The following HBS1L variants were observed in gnomAD, a reference collection of about 807,000 sequenced individuals.
HBS1L encodes HBS1 like translational GTPase, also known as HBS1-like protein.
Under a neutral mutation model 88.9 loss-of-function variants are expected in HBS1L, and 55 were observed. The ratio of observed to expected loss-of-function variants is 0.62; its 90% CI spans 0.50 to 0.77. The LOEUF is 0.77. HBS1L is among the 30% of genes least tolerant of loss of function. The pLI is 0.00. For missense variants in HBS1L, 741 were observed against 829.3 expected (o/e 0.89, Z 1.31); for synonymous variants, 267 against 288.5 (o/e 0.93, Z 0.76).
chr6:135,052,452 G>GA (rs1777115867), intron 1 of HBS1L, among the ~76,000 whole-genome samples: 1 of 151,900 alleles, frequency 6.6e-6, no homozygotes, highest in East Asian at 1.9e-4. Context: ...CATGCCTGTA[G>GA]ACCTAGCTAC....
intron 15 of HBS1L, among the ~76,000 whole-genome samples, chr6:134,976,697 G>A (rs1041514337): frequency 6.6e-6 from 1 of 152,054 alleles, no homozygotes; most frequent in Non-Finnish European, 1.5e-5. Flanking sequence ...TGGGAGCTAA[G>A]CTATGGGTAC....
chr6:134,997,066 ATG>A, intron 6 of HBS1L, 124 bp from the exon 7 acceptor site: 1 of 748,992 alleles, frequency 1.3e-6, no homozygotes, highest in South Asian at 2.1e-5. Flanking sequence ...TATTTATCAA[ATG>A]ACAGTTAAAA....
chr6:134,998,212 A>G (rs1377696134), intron 5 of HBS1L, among the ~76,000 whole-genome samples: 5 of 152,236 alleles, frequency 3.3e-5, no homozygotes, highest in African/African-American at 9.6e-5. Flanking sequence ...TACAACATAT[A>G]CTAGGGACTG....
chr6:134,999,543 G>C (rs1292393095), intron 5 of HBS1L, among the ~76,000 whole-genome samples: 5 of 147,234 alleles, frequency 3.4e-5, no homozygotes, highest in Non-Finnish European at 7.4e-5. Flanking sequence ...CGCCTCCCAG[G>C]TTCCAGCAAT....
At chr6:135,003,726 A>G (rs2114818670) in intron 4 of HBS1L, among the ~76,000 whole-genome samples, 1 of 152,192 alleles carries the variant, frequency 6.6e-6, no homozygotes, top group East Asian at 1.9e-4. Context: ...TAAGCTGGTC[A>G]TGGTGGTGCA....
chr6:135,021,648 C>A (rs4896126), intron 4 of HBS1L, among the ~76,000 whole-genome samples: 71,949 of 151,840 alleles, frequency 0.47, 17,285 homozygotes, highest in South Asian at 0.56. Flanking sequence ...TTTATCCCTA[C>A]GATGCTTATC....
chr6:135,015,296 T>C (rs931545245), intron 4 of HBS1L, among the ~76,000 whole-genome samples: 9 of 152,306 alleles, frequency 5.9e-5, no homozygotes, highest in Admixed American at 4.6e-4. Context: ...TATCATACAG[T>C]TGGAGAGCCA....
At chr6:134,985,206 A>G in intron 12 of HBS1L, 135 bp downstream of exon 12, 1 of 500,650 alleles carries the variant, frequency 2.0e-6, no homozygotes, top group Non-Finnish European at 3.6e-6. Context: ...TTAATCTGAC[A>G]GTGATCCTTA....
chr6:135,030,751 G>GGAAA (rs1776360612), intron 4 of HBS1L, among the ~76,000 whole-genome samples: 1 of 152,088 alleles, frequency 6.6e-6, no homozygotes, highest in Non-Finnish European at 1.5e-5. Flanking sequence ...ATAATAAAGA[G>GGAAA]GAAAAATAAC....
At chr6:135,024,137 G>A (rs1280245926) in intron 4 of HBS1L, among the ~76,000 whole-genome samples, 1 of 151,892 alleles carries the variant, frequency 6.6e-6, no homozygotes, top group Non-Finnish European at 1.5e-5. Context: ...TGAGAAAAGG[G>A]TCCCTTAAAA....
chr6:135,024,439 CA>C (rs60663059), intron 4 of HBS1L, among the ~76,000 whole-genome samples: 5,706 of 66,780 alleles, frequency 0.085, 170 homozygotes, highest in African/African-American at 0.23. Context: ...GACTTCGTCT[CA>C]AAAAAAAAAA....
At chr6:135,050,710 T>C (rs1777055383) in intron 1 of HBS1L, 63 bp from the exon 2 acceptor site, 4 of 1,015,558 alleles carry the variant, frequency 3.9e-6, no homozygotes, top group Non-Finnish European at 5.9e-6. Flanking sequence ...TAGTTACTAG[T>C]GAGGAAGCAT....
intron 4 of HBS1L, among the ~76,000 whole-genome samples, chr6:135,024,750 A>G (rs942151017): frequency 6.7e-6 from 1 of 150,002 alleles, no homozygotes; most frequent in African/African-American, 2.5e-5. Context: ...CTAAATTAAG[A>G]TATGTTAACA....
chr6:134,983,583 T>G (rs1475703316), intron 12 of HBS1L: 1 of 152,110 alleles, frequency 6.6e-6, no homozygotes, highest in Non-Finnish European at 1.5e-5. Context: ...GAAGTTGCAT[T>G]CCGGGGGGAC....
At position 134,982,523 on chromosome 6, in the gene HBS1L, G is replaced by A. The variant is rs1774860857; in HGVS notation, c.1532C>T (p.Ala511Val). The change falls in exon 13 of 18, where the codon GCT becomes GTT. Residue 511 changes from alanine (A) to valine (V), a missense_variant. Physicochemically the swap from Ala to Val is moderately conservative, Grantham distance 64. Coordinates refer to ENST00000367837, the MANE Select transcript of HBS1L (RefSeq NM_006620.4). ...TCGGTCACCAGTTTGGATATAACCA[G>A]CTTCTATTTTACCAGTTATGCAAAA... Reference protein sequence around the residue: ...SGFCITGKIEAGYIQTGDRLL... With the variant: ...SGFCITGKIEVGYIQTGDRLL... The A allele has an allele frequency of 6.2e-7, 1 of 1,611,338 alleles. No individual in the cohort carries two copies. The highest frequency in any genetic ancestry group is 8.5e-7 in the Non-Finnish European group (1 of 1,178,140).
At position 134,966,418 on chromosome 6, in the gene HBS1L, C is replaced by T. The variant is rs376737149; in HGVS notation, c.1954G>A (p.Ala652Thr). The change falls in exon 17 of 18, where the codon GCT becomes ACT. Residue 652 changes from alanine to threonine, a missense_variant. Transcript: ENST00000367837. The stretch of plus-strand genomic sequence containing the variant: ...TTAAAGTCTTTATATAGCTCAAGAG[C>T]TATTGGTCTTTGTGTCTGTAGCTCT... The part of the protein sequence containing the change: ...LVELQTQRPI[A>T]LELYKDFKEL... 1 of 1,612,492 alleles carries T rather than the reference C, an allele frequency of 6.2e-7. No homozygotes were observed. The highest frequency in any genetic ancestry group is 8.5e-7 in the Non-Finnish European group (1 of 1,178,982).
chr6:135,042,015 C>T lies in HBS1L; in HGVS notation c.221G>A (p.Ser74Asn). The change falls in exon 3 of 18, where the codon AGT becomes AAT. Residue 74 changes from serine to asparagine, a missense_variant. By Grantham distance (46) the Ser-to-Asn change is conservative. Coordinates refer to ENST00000367837, the MANE Select transcript of HBS1L (RefSeq NM_006620.4). Reference sequence around the variant, plus strand: ...TTTTGCTATACCTTGATCAAATCCACTGAGCTGATGGTTTGAAACAGAATT... The same window carrying T: ...TTTTGCTATACCTTGATCAAATCCATTGAGCTGATGGTTTGAAACAGAATT... ...SSNSVSNHQL[S>N]GFDQARLYSC... The T allele has an allele frequency of 6.2e-7, 1 of 1,613,454 alleles. No individual in the cohort carries two copies. The highest frequency in any genetic ancestry group is 8.5e-7 in the Non-Finnish European group (1 of 1,179,748).
intron 4 of HBS1L, chr6:135,036,600 G>A (rs1315308271): frequency 6.5e-7 from 1 of 1,528,916 alleles, no homozygotes; most frequent in African/African-American, 1.4e-5. Context: ...CTTTTACAAT[G>A]TCATCAGGTG....
chr6:135,022,254 A>C (rs1776092697), intron 4 of HBS1L, among the ~76,000 whole-genome samples: 1 of 152,162 alleles, frequency 6.6e-6, no homozygotes, highest in Admixed American at 6.5e-5. Context: ...AAAAGGATGT[A>C]TAATTGCCTT....
Sources: gnomAD v4.1 joint callset for allele counts (sites outside exome capture counted in the v4.1 genomes callset) on GRCh38, gnomAD v4.1.1 for gene constraint, MANE v1.5 for transcripts, NCBI Gene and HGNC (gene_info 2026-07-23, HGNC 2026-07-21) for gene names.